The following EPB41L2 variants were observed in gnomAD, a reference collection of about 807,000 sequenced individuals.
EPB41L2 encodes the protein erythrocyte membrane protein band 4.1 like 2.
In EPB41L2, 43 loss-of-function variants were observed where a neutral mutation model predicts 113.0. That is an observed-to-expected ratio of 0.38 (90% CI 0.30 to 0.49). The LOEUF is 0.49. EPB41L2 is among the 20% of genes least tolerant of loss of function. The probability of loss-of-function intolerance (pLI) is 0.95; values close to 1 mark genes in which losing one functional copy is unlikely to be tolerated. For synonymous variants in EPB41L2, 442 were observed against 436.7 expected, an observed-to-expected ratio of 1.01 and a Z score of -0.15; for missense variants, 1,147 against 1,223.4, an observed-to-expected ratio of 0.94 and a Z score of 0.93.
chr6:130,980,587 C>T (rs1779187039), intron 1 of EPB41L2, among the ~76,000 whole-genome samples: 1 of 152,052 alleles, frequency 6.6e-6, no homozygotes, highest in Non-Finnish European at 1.5e-5. Flanking sequence ...TGGGGTGGAT[C>T]TAACAACTTT....
intron 1 of EPB41L2, among the ~76,000 whole-genome samples, chr6:131,028,110 AT>A (rs1791277315): frequency 6.6e-6 from 1 of 152,234 alleles, no homozygotes; most frequent in African/African-American, 2.4e-5. Flanking sequence ...TAAAAAGATG[AT>A]GTCAATTCAC....
chr6:131,015,971 T>G (rs1788094187), intron 1 of EPB41L2: 1 of 152,232 alleles, frequency 6.6e-6, no homozygotes, highest in Admixed American at 6.5e-5. Flanking sequence ...TGAAAAAGTC[T>G]GGACATTTGG....
intron 3 of EPB41L2, among the ~76,000 whole-genome samples, chr6:130,930,772 T>A (rs964672513): frequency 2.0e-5 from 3 of 152,040 alleles, no homozygotes; most frequent in Non-Finnish European, 4.4e-5. Context: ...CAGAATCAGA[T>A]CTTCAGAGAC....
intron 1 of EPB41L2, among the ~76,000 whole-genome samples, chr6:131,012,111 A>C (rs1457006045): frequency 6.6e-6 from 1 of 152,030 alleles, no homozygotes; most frequent in Non-Finnish European, 1.5e-5. Flanking sequence ...AGGCTGAGGC[A>C]TGAGAATCAC....
intron 14 of EPB41L2, among the ~76,000 whole-genome samples, chr6:130,873,884 T>TGAATATTCCTC (rs1420786616): frequency 6.6e-6 from 1 of 152,182 alleles, no homozygotes; most frequent in Non-Finnish European, 1.5e-5. Flanking sequence ...GAGTAGGCAC[T>TGAATATTCCTC]TGCAATATTC....
At chr6:130,993,908 C>A (rs533067817) in intron 1 of EPB41L2, among the ~76,000 whole-genome samples, 12 of 152,310 alleles carry the variant, frequency 7.9e-5, no homozygotes, top group Admixed American at 2.0e-4. Context: ...TAAAAACCAA[C>A]CCAAGCTTCC....
intron 4 of EPB41L2, among the ~76,000 whole-genome samples, chr6:130,914,682 C>T (rs1386331483): frequency 6.6e-6 from 1 of 152,124 alleles, no homozygotes; most frequent in African/African-American, 2.4e-5. Flanking sequence ...GTTTCCCAAA[C>T]ATTAAGGTAT....
intron 1 of EPB41L2, among the ~76,000 whole-genome samples, chr6:130,995,152 C>T (rs757552720): frequency 5.3e-5 from 8 of 151,510 alleles, no homozygotes; most frequent in Admixed American, 3.9e-4. Context: ...CTGGCTAACA[C>T]GGTGGAACCC....
intron 1 of EPB41L2, among the ~76,000 whole-genome samples, chr6:130,964,377 G>T (rs1774441674): frequency 6.6e-6 from 1 of 152,070 alleles, no homozygotes; most frequent in African/African-American, 2.4e-5. Context: ...ATAGCCTGGT[G>T]GCTTGGAGAT....
chr6:130,918,234 C>T (rs1801731347), intron 4 of EPB41L2, among the ~76,000 whole-genome samples: 4 of 152,122 alleles, frequency 2.6e-5, no homozygotes. Flanking sequence ...GTTTCTGGAA[C>T]AAAATGGTCT....
intron 19 of EPB41L2, among the ~76,000 whole-genome samples, chr6:130,848,182 GTC>G (rs903761832): frequency 0.02 from 2,366 of 120,960 alleles, 56 homozygotes; most frequent in African/African-American, 0.057. Context: ...GTCTCTCTCT[GTC>G]TCTCTCTCTC....
At chr6:130,887,488 G>C (rs965272589) in intron 11 of EPB41L2, among the ~76,000 whole-genome samples, 1 of 152,034 alleles carries the variant, frequency 6.6e-6, no homozygotes, top group African/African-American at 2.4e-5. Context: ...AGAGCATATG[G>C]AATAAATAAA....
intron 1 of EPB41L2, among the ~76,000 whole-genome samples, 174 bp downstream of exon 1, chr6:131,062,981 C>T (rs1799020437): frequency 6.6e-6 from 1 of 152,072 alleles, no homozygotes; most frequent in Non-Finnish European, 1.5e-5. Context: ...ATCCCAAAGC[C>T]GGGCCCCCTC....
At chr6:130,949,793 T>TTCC (rs1814232551) in intron 3 of EPB41L2, among the ~76,000 whole-genome samples, 1 of 152,034 alleles carries the variant, frequency 6.6e-6, no homozygotes, top group South Asian at 2.1e-4. Context: ...GTCCCTCCTC[T>TTCC]TCCTCCTCCT....
Position 130,955,292 on chromosome 6 carries a change from C to G in EPB41L2, c.518G>C (p.Arg173Thr). The change falls in exon 3 of 20, where the codon AGA becomes ACA. Residue 173 changes from arginine (R) to threonine (T), a missense_variant. By Grantham distance (71) the Arg-to-Thr change is moderately conservative. Coordinates refer to ENST00000337057, the MANE Select transcript of EPB41L2 (RefSeq NM_001431.4). ...MQPTELVSKE[R>T]EEKVKETQED... ...CTGTGTTTCTTTTACCTTCTCTTCT[C>G]TCTCCTTACTTACTAATTCAGTAGG... 5 of 1,612,772 alleles carry G rather than the reference C, an allele frequency of 3.1e-6. No homozygotes were observed. Among genetic ancestry groups the G allele is most frequent in the Middle Eastern group, 1.6e-4 (1 of 6,062 alleles).
intron 17 of EPB41L2, among the ~76,000 whole-genome samples, chr6:130,864,703 T>C (rs1582820858): frequency 6.6e-6 from 1 of 152,260 alleles, no homozygotes; most frequent in Admixed American, 6.5e-5. Flanking sequence ...CTATGCTTAA[T>C]AACTGGATAT....
intron 3 of EPB41L2, among the ~76,000 whole-genome samples, chr6:130,934,378 C>T (rs1189032806): frequency 1.3e-5 from 2 of 152,026 alleles, no homozygotes; most frequent in Non-Finnish European, 2.9e-5. Context: ...AGTTTGAAAA[C>T]GTTTTTTCCA....
intron 1 of EPB41L2, among the ~76,000 whole-genome samples, chr6:131,000,139 G>A (rs1444820916): frequency 7.3e-6 from 1 of 137,784 alleles, no homozygotes; most frequent in Non-Finnish European, 1.5e-5. Flanking sequence ...GTATAAAGAT[G>A]TGGAATAGTG....
At chr6:130,942,180 A>G (rs1811110161) in intron 3 of EPB41L2, among the ~76,000 whole-genome samples, 1 of 152,236 alleles carries the variant, frequency 6.6e-6, no homozygotes, top group Non-Finnish European at 1.5e-5. Context: ...TTGGCCACAG[A>G]GTATGTGCTC....
Sources: gnomAD v4.1 joint callset for allele counts (sites outside exome capture counted in the v4.1 genomes callset) on GRCh38, gnomAD v4.1.1 for gene constraint, MANE v1.5 for transcripts, NCBI Gene and HGNC (gene_info 2026-07-23, HGNC 2026-07-21) for gene names.